TMCC1: variants seen among roughly 807,000 people sequenced by gnomAD.
TMCC1 encodes transmembrane and coiled-coil domain family 1, also known as transmembrane and coiled-coil domains protein 1.
TMCC1 carries 15 observed loss-of-function variants against 52.4 expected under a neutral mutation model. That is an observed-to-expected ratio of 0.29 (90% confidence interval 0.19 to 0.44). The LOEUF is 0.44. TMCC1 is among the 20% of genes least tolerant of loss of function. TMCC1 has a pLI of 1.00. For missense variants in TMCC1, 503 were observed against 806.0 expected (o/e 0.62, Z 4.55); for synonymous variants, 279 against 301.9 (o/e 0.92, Z 0.79).
At chr3:129,770,553 G>A (rs1480914675) in intron 4 of TMCC1, among the ~76,000 whole-genome samples, 1 of 151,190 alleles carries the variant, frequency 6.6e-6, no homozygotes, top group African/African-American at 2.4e-5. Context: ...ACTCCAGCCT[G>A]GGTGACAGAG....
At chr3:129,761,788 T>G (rs934914116) in intron 4 of TMCC1, among the ~76,000 whole-genome samples, 2 of 151,902 alleles carry the variant, frequency 1.3e-5, no homozygotes, top group Admixed American at 1.3e-4. Flanking sequence ...GTCAGGAGTT[T>G]GAGAGCAGCC....
chr3:129,789,005 A>G (rs2107743644), intron 4 of TMCC1, among the ~76,000 whole-genome samples: 1 of 152,354 alleles, frequency 6.6e-6, no homozygotes, highest in East Asian at 1.9e-4. Flanking sequence ...ATAGAAATGC[A>G]AAACATTACA....
chr3:129,749,876 T>C (rs1012864490), intron 4 of TMCC1, among the ~76,000 whole-genome samples: 2 of 147,104 alleles, frequency 1.4e-5, no homozygotes, highest in African/African-American at 4.9e-5. Context: ...ATGATTCAAA[T>C]TGAATCTATG....
chr3:129,653,434 T>A (rs1438465823), intron 6 of TMCC1, among the ~76,000 whole-genome samples: 1 of 152,192 alleles, frequency 6.6e-6, no homozygotes, highest in African/African-American at 2.4e-5. Flanking sequence ...GACCAAACAT[T>A]AAAAGTGTCT....
chr3:129,729,883 G>T (rs1475514644), intron 4 of TMCC1, among the ~76,000 whole-genome samples: 1 of 152,158 alleles, frequency 6.6e-6, no homozygotes, highest in African/African-American at 2.4e-5. Context: ...GCTGAGATGG[G>T]AGGAATATTG....
chr3:129,728,025 C>T (rs2050243566), intron 4 of TMCC1, among the ~76,000 whole-genome samples: 1 of 152,214 alleles, frequency 6.6e-6, no homozygotes, highest in Admixed American at 6.5e-5. Flanking sequence ...TTTGGACTTT[C>T]TGATCATCCC....
intron 4 of TMCC1, among the ~76,000 whole-genome samples, chr3:129,816,926 G>A (rs1320596553): frequency 6.6e-6 from 1 of 152,086 alleles, no homozygotes; most frequent in Admixed American, 6.5e-5. Flanking sequence ...CTACTAGGGA[G>A]GGTGAGGCAG....
intron 2 of TMCC1, among the ~76,000 whole-genome samples, chr3:129,836,437 T>C (rs1322168446): frequency 2.0e-5 from 3 of 152,174 alleles, no homozygotes; most frequent in Non-Finnish European, 2.9e-5. Flanking sequence ...TTTACAAAAA[T>C]TGACCATATG....
intron 2 of TMCC1, among the ~76,000 whole-genome samples, chr3:129,859,947 T>A (rs776124992): frequency 6.6e-6 from 1 of 152,124 alleles, no homozygotes; most frequent in Non-Finnish European, 1.5e-5. Flanking sequence ...CTTATCTCAC[T>A]ACATCAGATA....
intron 2 of TMCC1, among the ~76,000 whole-genome samples, chr3:129,865,204 C>T (rs1404537734): frequency 1.3e-5 from 2 of 151,710 alleles, no homozygotes; most frequent in Admixed American, 1.3e-4. Context: ...ATTTTTTTTT[C>T]CCTGTAGTGG....
intron 4 of TMCC1, among the ~76,000 whole-genome samples, chr3:129,741,108 T>C (rs1166353730): frequency 6.6e-6 from 1 of 152,156 alleles, no homozygotes; most frequent in African/African-American, 2.4e-5. Context: ...TCTATTATCT[T>C]TCAAGCAAAA....
At chr3:129,741,379 T>G (rs1288393107) in intron 4 of TMCC1, among the ~76,000 whole-genome samples, 1 of 152,162 alleles carries the variant, frequency 6.6e-6, no homozygotes, top group African/African-American at 2.4e-5. Flanking sequence ...CCAAAGTAAT[T>G]TGACATTATC....
intron 4 of TMCC1, among the ~76,000 whole-genome samples, chr3:129,756,173 T>C (rs560487727): frequency 4.0e-5 from 6 of 151,688 alleles, no homozygotes; most frequent in African/African-American, 1.2e-4. Context: ...TAAACATAGA[T>C]TTATCATATG....
intron 4 of TMCC1, among the ~76,000 whole-genome samples, chr3:129,774,754 G>A (rs537911517): frequency 2.0e-5 from 3 of 152,296 alleles, no homozygotes; most frequent in South Asian, 2.1e-4. Flanking sequence ...AAAAGGGAAC[G>A]AGTGTAAAAC....
chr3:129,860,280 G>T (rs1344032084), intron 2 of TMCC1, among the ~76,000 whole-genome samples: 2 of 151,650 alleles, frequency 1.3e-5, no homozygotes, highest in Admixed American at 6.6e-5. Flanking sequence ...CTATTGCCCA[G>T]GCTGGTCTCA....
intron 4 of TMCC1, among the ~76,000 whole-genome samples, chr3:129,822,511 G>C (rs1166831645): frequency 6.6e-6 from 1 of 152,200 alleles, no homozygotes; most frequent in African/African-American, 2.4e-5. Context: ...ACTGCTCTTA[G>C]ATTTCTGCCT....
At chr3:129,751,777 T>C (rs1230148836) in intron 4 of TMCC1, among the ~76,000 whole-genome samples, 2 of 152,096 alleles carry the variant, frequency 1.3e-5, no homozygotes, top group Non-Finnish European at 2.9e-5. Context: ...GCCAGGCTGG[T>C]CTCAAACTCC....
At chr3:129,878,776 C>T (rs1405657308) in intron 2 of TMCC1, among the ~76,000 whole-genome samples, 1 of 152,194 alleles carries the variant, frequency 6.6e-6, no homozygotes, top group Non-Finnish European at 1.5e-5. Context: ...GAATTAGGCC[C>T]TACCCCAGAC....
At chr3:129,875,871 C>T (rs867345143) in intron 2 of TMCC1, among the ~76,000 whole-genome samples, 14 of 152,192 alleles carry the variant, frequency 9.2e-5, no homozygotes, top group African/African-American at 2.4e-4. Context: ...CCGTGGCTCA[C>T]GCCCGTAATC....
Sources: allele counts gnomAD v4.1 joint callset (sites outside exome capture counted in the v4.1 genomes callset), GRCh38; gene constraint gnomAD v4.1.1; transcripts MANE v1.5; gene names NCBI Gene and HGNC (gene_info 2026-07-23, HGNC 2026-07-21).